The following SLC2A1 variants were observed in gnomAD, a reference collection of about 807,000 sequenced individuals.
SLC2A1 encodes the protein solute carrier family 2, facilitated glucose transporter member 1.
A neutral mutation model predicts 46.6 loss-of-function variants in SLC2A1; 4 were observed. The ratio of observed to expected loss-of-function variants is 0.09; its 90% CI spans 0.04 to 0.20. The LOEUF is 0.20. Ranked by LOEUF, SLC2A1 falls within the 10% of genes least tolerant of loss-of-function variation. The pLI is 1.00. For missense variants in SLC2A1, 352 were observed against 667.0 expected, an observed-to-expected ratio of 0.53 and a Z score of 5.20; for synonymous variants, 253 against 270.0, an observed-to-expected ratio of 0.94 and a Z score of 0.62.
chr1:42,942,935 T>A (rs910463362), intron 2 of SLC2A1: 2 of 478,530 alleles, frequency 4.2e-6, no homozygotes, highest in Non-Finnish European at 7.7e-6. Context: ...GTTTATTATA[T>A]CATCAAACAT....
At chr1:42,955,723 T>C (rs1355162008) in intron 1 of SLC2A1, among the ~76,000 whole-genome samples, 1 of 152,204 alleles carries the variant, frequency 6.6e-6, no homozygotes, top group African/African-American at 2.4e-5. Context: ...GTGATGGGCA[T>C]AGGCAAGGCT....
At chr1:42,956,413 A>C (rs1643775319) in intron 1 of SLC2A1, among the ~76,000 whole-genome samples, 1 of 91,336 alleles carries the variant, frequency 1.1e-5, no homozygotes, top group African/African-American at 4.5e-5. Context: ...ACTACAAAAA[A>C]AAAAAAAAAA....
At chr1:42,948,625 G>A (rs945527268) in intron 1 of SLC2A1, among the ~76,000 whole-genome samples, 1 of 152,096 alleles carries the variant, frequency 6.6e-6, no homozygotes, top group Non-Finnish European at 1.5e-5. Flanking sequence ...GAACTTCTGG[G>A]CATTAAAAGA....
rs1480085667 is a variant in SLC2A1 at position 42,927,259 on chromosome 1, A to C, written c.1279-18T>G. ...CACAGTTGCTGAAAGACACACAGACACACTTGGTTGGAGTCATGACCCTAC... is the reference window on the plus strand; with the variant it reads ...CACAGTTGCTGAAAGACACACAGACCCACTTGGTTGGAGTCATGACCCTAC... On this transcript the variant is annotated intron_variant, in intron 9 of 9. Coordinates refer to ENST00000426263, the MANE Select transcript of SLC2A1 (RefSeq NM_006516.4). The surrounding 1 kb of genome is among the most constrained non-coding windows in gnomAD (Gnocchi z 5.3). The C allele has an allele frequency of 6.2e-7, 1 of 1,612,740 alleles. No homozygotes were observed. The highest frequency in any genetic ancestry group is 1.7e-5 in the Admixed American group (1 of 60,014).
rs757897246 is a variant in SLC2A1 at position 42,929,505 on chromosome 1, T to C, written c.867+88A>G. 14 of 1,356,506 alleles carry C rather than the reference T, an allele frequency of 1.0e-5. No individual in the cohort carries two copies. The highest frequency in any genetic ancestry group is 5.1e-5 in the Admixed American group (3 of 58,514). 84.0% of individuals were successfully genotyped at this position (1,356,506 alleles called of 1,614,324 possible). On this transcript the variant is annotated intron_variant, in intron 6 of 9. Coordinates refer to ENST00000426263, the MANE Select transcript of SLC2A1 (RefSeq NM_006516.4). The surrounding 1 kb of genome is among the most constrained non-coding windows in gnomAD (Gnocchi z 6.0). ...GAAACTTCTTCGGCAGAGGCGTATC[T>C]GTTGTTTCAAGTTTGGGACTTGTTC...
At chr1:42,936,614 GA>G (rs1161169223) in intron 2 of SLC2A1, among the ~76,000 whole-genome samples, 2 of 152,122 alleles carry the variant, frequency 1.3e-5, no homozygotes, top group South Asian at 4.1e-4. Flanking sequence ...TGCTTCCCTG[GA>G]ACAGCCCTGA....
intron 2 of SLC2A1, among the ~76,000 whole-genome samples, chr1:42,932,223 C>G (rs1411377105): frequency 6.6e-6 from 1 of 152,092 alleles, no homozygotes; most frequent in African/African-American, 2.4e-5. Context: ...GAAGCAGTTC[C>G]AGGAACTGGA....
In SLC2A1 at chr1:42,945,719, G is replaced by A. The variant is rs528729733; in HGVS notation, c.19-2398C>T. On this transcript the variant is annotated intron_variant, in intron 1 of 9. Coordinates refer to ENST00000426263, the MANE Select transcript of SLC2A1 (RefSeq NM_006516.4). ...GGCGCCACTGCACTCCAGCCTGGGC[G>A]ACAGAGCAGACTCTGTCTCAAAAAA... is the stretch of plus-strand genomic sequence containing the variant. Among the ~76,000 whole-genome samples the A allele has an allele frequency of 2.0e-4, 29 of 143,736 alleles. No individual in the cohort carries two copies. In the South Asian group the frequency reaches 6.2e-3, roughly 31 times the overall value. 94.3% of individuals were successfully genotyped at this position (143,736 alleles called of 152,430 possible).
intron 2 of SLC2A1, among the ~76,000 whole-genome samples, chr1:42,937,885 C>T (rs538938783): frequency 3.3e-5 from 5 of 152,232 alleles, no homozygotes; most frequent in East Asian, 3.9e-4. Flanking sequence ...GGTTGGGAGG[C>T]GGGTGTTGCC....
intron 2 of SLC2A1, among the ~76,000 whole-genome samples, chr1:42,936,166 C>T (rs970960576): frequency 6.6e-6 from 1 of 152,176 alleles, no homozygotes; most frequent in Non-Finnish European, 1.5e-5. Flanking sequence ...TCATCCCCAG[C>T]AGGGATCCCT....
At chr1:42,942,719 G>C (rs892542233) in intron 2 of SLC2A1, among the ~76,000 whole-genome samples, 3 of 151,948 alleles carry the variant, frequency 2.0e-5, no homozygotes, top group Non-Finnish European at 4.4e-5. Context: ...GCAGGTGTTG[G>C]ATACCAGCTC....
intron 2 of SLC2A1, among the ~76,000 whole-genome samples, chr1:42,939,140 G>C (rs1022215305): frequency 1.3e-5 from 2 of 152,258 alleles, no homozygotes; most frequent in Non-Finnish European, 2.9e-5. Context: ...CCCTAGGGCA[G>C]GCCTTCAGCC....
rs752360497 is a variant in SLC2A1 at position 42,929,782 on chromosome 1, T to TG, written c.680-3dup. 7 of 1,613,954 alleles carry TG rather than the reference T, an allele frequency of 4.3e-6. No individual in the cohort carries two copies. In the East Asian group the frequency reaches 6.7e-5, roughly 15 times the overall value. On this transcript the variant is annotated splice_polypyrimidine_tract_variant and splice_region_variant and intron_variant, in intron 5 of 9. Coordinates refer to ENST00000426263, the MANE Select transcript of SLC2A1 (RefSeq NM_006516.4). The surrounding 1 kb of genome is among the most constrained non-coding windows in gnomAD (Gnocchi z 6.0). ...CTGTCCCGCGCAGCTTCTTTAGCAC[T>TG]GGGGGGACCGGAGGGAAGGTGAGGG...
chr1:42,932,424 C>CTTATGCATG (rs1553156289), intron 2 of SLC2A1, among the ~76,000 whole-genome samples: 1 of 152,078 alleles, frequency 6.6e-6, no homozygotes, highest in Non-Finnish European at 1.5e-5. Context: ...GAAACGGCTT[C>CTTATGCATG]TTATGCACGT....
intron 2 of SLC2A1, among the ~76,000 whole-genome samples, chr1:42,937,273 G>A (rs1055139893): frequency 2.0e-5 from 3 of 152,224 alleles, no homozygotes; most frequent in Admixed American, 1.3e-4. Flanking sequence ...GCACGGTGGT[G>A]GAGGTGCAGA....
rs1643752352 is a variant in SLC2A1 at position 42,954,326 on chromosome 1, T to C, written c.18+4308A>G. ...CTGAGGTCTGGAGTTCGAGACCAGC[T>C]TGACCAACATGAAGAAACCCCATCT... On this transcript the variant is annotated intron_variant, in intron 1 of 9. Coordinates refer to ENST00000426263, the MANE Select transcript of SLC2A1 (RefSeq NM_006516.4). The surrounding 1 kb of genome is among the most constrained non-coding windows in gnomAD (Gnocchi z 4.2). 6.6e-6 allele frequency among the ~76,000 whole-genome samples: 1 copy of C among 151,914 alleles called. No homozygotes were observed. Among genetic ancestry groups the C allele is most frequent in the South Asian group, 2.1e-4 (1 of 4,804 alleles).
In SLC2A1 at chr1:42,929,819, G is replaced by C. The variant is rs1324535748; in HGVS notation, c.680-39C>G. 1 of 1,613,942 alleles carries C rather than the reference G, an allele frequency of 6.2e-7. No individual in the cohort carries two copies. The highest frequency in any genetic ancestry group is 1.3e-5 in the African/African-American group (1 of 74,930). On this transcript the variant is annotated intron_variant, in intron 5 of 9. Coordinates refer to ENST00000426263, the MANE Select transcript of SLC2A1 (RefSeq NM_006516.4). This position sits in a 1 kb window ranked among gnomAD's most constrained non-coding sequence, Gnocchi z 6.0. ...AGGGAAGGTGAGGGTGGCTCAGAGT[G>C]GGAAGAAGGCCAGGGCTCAGGGAGT... is the stretch of plus-strand genomic sequence containing the variant.
At position 42,927,025 on chromosome 1, in the gene SLC2A1, G is replaced by T; in HGVS notation, c.*16C>A. The T allele has an allele frequency of 6.2e-7, 1 of 1,612,336 alleles. No homozygotes were observed. The highest frequency in any genetic ancestry group is 1.3e-5 in the African/African-American group (1 of 75,012). Reference sequence around the variant, plus strand: ...AGGGCTGCTGGGAGCAGGCCGGGCTGGTGATCTGGGGCGACTCACACTTGG... The same window carrying T: ...AGGGCTGCTGGGAGCAGGCCGGGCTTGTGATCTGGGGCGACTCACACTTGG... On this transcript the variant is annotated 3_prime_UTR_variant, in exon 10 of 10. Coordinates refer to ENST00000426263, the MANE Select transcript of SLC2A1 (RefSeq NM_006516.4). This position sits in a 1 kb window ranked among gnomAD's most constrained non-coding sequence, Gnocchi z 5.3.
intron 1 of SLC2A1, among the ~76,000 whole-genome samples, chr1:42,953,372 C>A (rs1239493621): frequency 1.3e-5 from 2 of 152,258 alleles, no homozygotes; most frequent in African/African-American, 4.8e-5. Context: ...GAGCCTCAGG[C>A]TCCAGTCCAC....
Sources: gnomAD v4.1 joint callset for allele counts (sites outside exome capture counted in the v4.1 genomes callset) on GRCh38, gnomAD v4.1.1 for gene constraint, Gnocchi (gnomAD v3.1) non-coding constraint, MANE v1.5 for transcripts, NCBI Gene and HGNC (gene_info 2026-07-23, HGNC 2026-07-21) for gene names.